Variants in ERICH6B observed in about 807,000 individuals in gnomAD.
ERICH6B encodes the protein glutamate rich 6B.
A neutral mutation model predicts 80.0 loss-of-function variants in ERICH6B; 69 were observed. The ratio of observed to expected loss-of-function variants is 0.86; its 90% CI spans 0.71 to 1.05. ERICH6B has a LOEUF of 1.05. Ranked by LOEUF, ERICH6B falls within the 50% of genes least tolerant of loss-of-function variation. The probability of loss-of-function intolerance (pLI) is 0.00; values close to 1 mark genes in which losing one functional copy is unlikely to be tolerated. For synonymous variants in ERICH6B, 283 were observed against 291.9 expected, an observed-to-expected ratio of 0.97 and a Z score of 0.31; for missense variants, 754 against 796.1, an observed-to-expected ratio of 0.95 and a Z score of 0.64.
chr13:45,615,209 AG>A (rs1949921160), intron 1 of ERICH6B, among the ~76,000 whole-genome samples: 1 of 144,984 alleles, frequency 6.9e-6, no homozygotes, highest in Admixed American at 6.7e-5. Context: ...GGAAGGAAAC[AG>A]GGGAAGCTGA....
intron 14 of ERICH6B, 117 bp downstream of exon 14, chr13:45,544,643 G>C: frequency 1.2e-6 from 1 of 802,544 alleles, no homozygotes; most frequent in Non-Finnish European, 2.0e-6. Flanking sequence ...TTTTATACGG[G>C]TTGGCATATA....
At chr13:45,554,774 C>T (rs1566286967) in intron 11 of ERICH6B, among the ~76,000 whole-genome samples, 3 of 152,206 alleles carry the variant, frequency 2.0e-5, no homozygotes, top group Non-Finnish European at 2.9e-5. Flanking sequence ...GGCGGGACCC[C>T]GAGCTGTGCC....
At chr13:45,555,867 C>G (rs1874414921) in intron 11 of ERICH6B, among the ~76,000 whole-genome samples, 1 of 151,554 alleles carries the variant, frequency 6.6e-6, no homozygotes, top group Non-Finnish European at 1.5e-5. Flanking sequence ...GGCAGTGGCT[C>G]TATTTGACTT....
chr13:45,590,184 T>C lies in ERICH6B; in HGVS notation c.686+465A>G, dbSNP rs1351123690. Among the ~76,000 whole-genome samples the C allele has an allele frequency of 2.6e-5, 4 of 151,760 alleles. No individual in the cohort carries two copies. In the East Asian group the frequency reaches 7.7e-4, roughly 29 times the overall value. ...CACAGAGGCTCTCTTATTCCACAGA[T>C]ATTTCATTGACCATCTAGTGTGTGC... On this transcript the variant is annotated intron_variant, in intron 4 of 14. Transcript: ENST00000298738.
At chr13:45,591,916 G>A (rs1025873139) in intron 3 of ERICH6B, among the ~76,000 whole-genome samples, 4 of 152,184 alleles carry the variant, frequency 2.6e-5, no homozygotes, top group East Asian at 1.9e-4. Context: ...GAAGATATTC[G>A]TTTTTTGATG....
rs1555304285 is a variant in ERICH6B at position 45,574,808 on chromosome 13, T to TGC, written c.1050+33_1050+34insGC. ...GGGCCACCCTACATTTGGAGGAAGC[T>TGC]GGGGGGGGGGTCTCAAGTTTTTATC... On this transcript the variant is annotated intron_variant, in intron 8 of 14. Transcript: ENST00000298738. 3.3e-5 allele frequency: 44 copies of TGC among 1,330,412 alleles called. No individual in the cohort carries two copies. The African/African-American group carries it at 7.0e-4, about 21-fold the overall frequency. The allele number at this position is 1,330,412 out of a possible 1,614,324, so 82.4% of individuals were successfully genotyped here.
intron 10 of ERICH6B, 150 bp downstream of exon 10, chr13:45,563,577 C>T (rs1398510813): frequency 1.2e-5 from 9 of 732,698 alleles, no homozygotes; most frequent in Non-Finnish European, 2.1e-5. Flanking sequence ...GTATTTCATC[C>T]CTGGCAGCCA....
At chr13:45,614,362 G>C (rs908701359) in intron 1 of ERICH6B, among the ~76,000 whole-genome samples, 1 of 152,164 alleles carries the variant, frequency 6.6e-6, no homozygotes, top group Non-Finnish European at 1.5e-5. Context: ...TCCCTGGTTT[G>C]TGTGTCTGCC....
chr13:45,550,272 A>G lies in ERICH6B; in HGVS notation c.1452T>C (p.Asn484=). ...CATCAGGAAAGAGAATTTGATAGACATTCTTGTTGGGGTAGAGAATTAATT... is the reference window on the plus strand; with the variant it reads ...CATCAGGAAAGAGAATTTGATAGACGTTCTTGTTGGGGTAGAGAATTAATT... ...DGKLILYPNK[N]VYQILFPDGT... The change falls in exon 12 of 15, where the codon AAT becomes AAC. Residue 484 remains asparagine (N), a synonymous_variant. Transcript: ENST00000298738. 5 of 1,551,686 alleles carry G rather than the reference A, an allele frequency of 3.2e-6. No homozygotes were observed. Among genetic ancestry groups the G allele is most frequent in the South Asian group, 1.2e-5 (1 of 84,056 alleles).
intron 11 of ERICH6B, among the ~76,000 whole-genome samples, chr13:45,554,419 G>T (rs1179807679): frequency 6.6e-6 from 1 of 152,168 alleles, no homozygotes; most frequent in East Asian, 1.9e-4. Context: ...CAGTTGGTTT[G>T]CCTGGTGACC....
At position 45,561,503 on chromosome 13, in the gene ERICH6B, T is replaced by C. The variant is rs555385380; in HGVS notation, c.1273A>G (p.Ser425Gly). The change falls in exon 11 of 15, where the codon AGT becomes GGT. Residue 425 changes from serine (S) to glycine (G), a missense_variant. Physicochemically the swap from Ser to Gly is moderately conservative, Grantham distance 56 (BLOSUM62 0). Coordinates refer to ENST00000298738, the MANE Select transcript of ERICH6B (RefSeq NM_182542.3). ...TTGCTCATTAAATGAAATGTGAAAC[T>C]GGTCATCTCTGTTAACTTTTGAGCT... Reference protein sequence around the residue: ...REAQKLTEMTSFTFHLMSKPT... With the variant: ...REAQKLTEMTGFTFHLMSKPT... 44 of 1,551,804 alleles carry C rather than the reference T, an allele frequency of 2.8e-5. No individual in the cohort carries two copies. In the African/African-American group the frequency reaches 4.5e-4, roughly 16 times the overall value.
At chr13:45,605,534 T>C (rs1047446909) in intron 2 of ERICH6B, among the ~76,000 whole-genome samples, 4 of 152,212 alleles carry the variant, frequency 2.6e-5, no homozygotes, top group African/African-American at 9.6e-5. Flanking sequence ...AGAAATCAAA[T>C]AACTCCACCA....
At chr13:45,584,307 T>C (rs1875805372) in intron 5 of ERICH6B, among the ~76,000 whole-genome samples, 1 of 152,210 alleles carries the variant, frequency 6.6e-6, no homozygotes, top group African/African-American at 2.4e-5. Context: ...AGGCATTTCC[T>C]GTGCCTGTTG....
intron 3 of ERICH6B, 134 bp downstream of exon 3, chr13:45,596,235 A>C (rs1055519067): frequency 2.5e-6 from 3 of 1,179,272 alleles, no homozygotes; most frequent in Admixed American, 5.8e-5. Context: ...CATCCTGGTA[A>C]ACTAGAGTTA....
chr13:45,558,259 G>T (rs903877327), intron 11 of ERICH6B, among the ~76,000 whole-genome samples: 1 of 152,130 alleles, frequency 6.6e-6, no homozygotes, highest in South Asian at 2.1e-4. Context: ...GTGTAGAGGA[G>T]AGCTACTGAT....
chr13:45,581,332 T>G (rs1248476304), intron 5 of ERICH6B, among the ~76,000 whole-genome samples: 2 of 152,236 alleles, frequency 1.3e-5, no homozygotes, highest in African/African-American at 4.8e-5. Flanking sequence ...TGTGTACATG[T>G]GTGTGTACAC....
intron 5 of ERICH6B, among the ~76,000 whole-genome samples, chr13:45,582,541 T>C (rs1272993548): frequency 6.6e-6 from 1 of 152,224 alleles, no homozygotes; most frequent in Non-Finnish European, 1.5e-5. Flanking sequence ...AATCTGACTA[T>C]GTTATCCTCA....
At chr13:45,569,792 G>A (rs557705689) in intron 8 of ERICH6B, among the ~76,000 whole-genome samples, 3 of 152,166 alleles carry the variant, frequency 2.0e-5, no homozygotes, top group South Asian at 2.1e-4. Flanking sequence ...CTTTAGGTCC[G>A]ACTTGCCTGA....
At position 45,596,372 on chromosome 13, in the gene ERICH6B, T is replaced by C; in HGVS notation, c.634A>G (p.Lys212Glu). 1 of 1,548,814 alleles carries C rather than the reference T, an allele frequency of 6.5e-7. No homozygotes were observed. The highest frequency in any genetic ancestry group is 8.7e-7 in the Non-Finnish European group (1 of 1,145,728). ...TCTCCCTCCTCCAGATACTCACCTTTCAGATACTTTTTATACAGATTTTCT... is the reference window on the plus strand; with the variant it reads ...TCTCCCTCCTCCAGATACTCACCTTCCAGATACTTTTTATACAGATTTTCT... Reference protein sequence around the residue: ...GKENLYKKYLKEPKASYSSQT... With the variant: ...GKENLYKKYLEEPKASYSSQT... The change falls in exon 3 of 15, where the codon AAA becomes GAA. Residue 212 changes from lysine to glutamate, a missense_variant. Lys to Glu is a moderately conservative substitution (Grantham distance 56, BLOSUM62 1). Transcript: ENST00000298738.
Sources: allele counts gnomAD v4.1 joint callset (sites outside exome capture counted in the v4.1 genomes callset), GRCh38; gene constraint gnomAD v4.1.1; transcripts MANE v1.5; gene names NCBI Gene and HGNC (gene_info 2026-07-23, HGNC 2026-07-21).